GREB1: variants seen among roughly 807,000 people sequenced by gnomAD.
GREB1 encodes the protein protein GREB1.
A neutral mutation model predicts 200.7 loss-of-function variants in GREB1; 106 were observed. The observed-to-expected ratio is 0.53, with a 90% confidence interval of 0.45 to 0.62. GREB1 has a LOEUF of 0.62. Among genes scored for constraint, GREB1 ranks in the 20% least tolerant of loss-of-function variants. The pLI is 0.00. For missense variants in GREB1, 2,243 were observed against 2,556.8 expected (o/e 0.88, Z 2.65); for synonymous variants, 1,132 against 1,092.4 (o/e 1.04, Z -0.72).
chr2:11,511,546 C>T (rs2148450633), intron 1 of GREB1, among the ~76,000 whole-genome samples: 1 of 152,208 alleles, frequency 6.6e-6, no homozygotes, highest in South Asian at 2.1e-4. Flanking sequence ...ACAGGAACTC[C>T]ATTTTGGAGA....
At chr2:11,511,605 C>T (rs537670793) in intron 1 of GREB1, among the ~76,000 whole-genome samples, 5 of 152,136 alleles carry the variant, frequency 3.3e-5, no homozygotes, top group East Asian at 3.9e-4. Context: ...GAAGGTGACC[C>T]GGTGAGAGGA....
At position 11,585,283 on chromosome 2, in the gene GREB1, T is replaced by C; in HGVS notation, c.1015+9T>C. The C allele has an allele frequency of 1.4e-6, 2 of 1,479,080 alleles. No homozygotes were observed. The highest frequency in any genetic ancestry group is 1.8e-6 in the Non-Finnish European group (2 of 1,100,864). The allele number at this position is 1,479,080 out of a possible 1,614,324, so 91.6% of individuals were successfully genotyped here. On this transcript the variant is annotated intron_variant, in intron 8 of 32. Coordinates refer to ENST00000381486, the MANE Select transcript of GREB1 (RefSeq NM_014668.4). The stretch of plus-strand genomic sequence containing the variant: ...GAACAGAGCTAAGTATGGTAAGTGA[T>C]GGCAGCCTTGCCCAGAATTCCAGAC...
chr2:11,598,908 G>T (rs1681507236), intron 15 of GREB1, 48 bp downstream of exon 15: 1 of 1,475,824 alleles, frequency 6.8e-7, no homozygotes. Context: ...CTTCTTTGAA[G>T]TGATGTATGT....
intron 1 of GREB1, among the ~76,000 whole-genome samples, chr2:11,541,887 T>C (rs912802676): frequency 6.6e-6 from 1 of 152,190 alleles, no homozygotes; most frequent in African/African-American, 2.4e-5. Flanking sequence ...CGATGCCTTG[T>C]ATACGTTCTG....
intron 10 of GREB1, among the ~76,000 whole-genome samples, chr2:11,589,333 C>T (rs1185849337): frequency 6.6e-6 from 1 of 152,132 alleles, no homozygotes; most frequent in African/African-American, 2.4e-5. Context: ...AGAAAGGCCT[C>T]TGTGAATAGG....
At position 11,642,090 on chromosome 2, in the gene GREB1, G is replaced by A. The variant is rs1395688771; in HGVS notation, c.*1636G>A. 1 of 151,954 alleles carries A rather than the reference G, an allele frequency of 6.6e-6. No individual in the cohort carries two copies. The highest frequency in any genetic ancestry group is 2.4e-5 in the African/African-American group (1 of 41,312). The allele number at this position is 151,954 out of a possible 1,614,324, so 9.4% of individuals were successfully genotyped here. On this transcript the variant is annotated 3_prime_UTR_variant, in exon 33 of 33. Transcript: ENST00000381486. Reference sequence around the variant, plus strand: ...CCATAACTTGAAGGAAAAGTTTAAAGACAGTTCAATTTAATCATCAGAATG... The same window carrying A: ...CCATAACTTGAAGGAAAAGTTTAAAAACAGTTCAATTTAATCATCAGAATG...
At chr2:11,636,825 C>T (rs962937933) in intron 30 of GREB1, among the ~76,000 whole-genome samples, 4 of 147,412 alleles carry the variant, frequency 2.7e-5, no homozygotes, top group African/African-American at 5.0e-5. Context: ...GAGGCAGGGG[C>T]AGGGACAGAG....
intron 4 of GREB1, 109 bp downstream of exon 4, chr2:11,566,765 C>G: frequency 1.1e-6 from 1 of 940,476 alleles, no homozygotes; most frequent in Non-Finnish European, 1.6e-6. Context: ...CTTTGGGACC[C>G]CAGGCGCAGC....
At chr2:11,624,890 C>T (rs569471637) in intron 23 of GREB1, among the ~76,000 whole-genome samples, 2 of 152,156 alleles carry the variant, frequency 1.3e-5, no homozygotes, top group African/African-American at 4.8e-5. Flanking sequence ...ACAATTCTTC[C>T]AATGTGGCCC....
chr2:11,603,374 A>G (rs1233881675), intron 17 of GREB1, among the ~76,000 whole-genome samples: 1 of 152,230 alleles, frequency 6.6e-6, no homozygotes, highest in Admixed American at 6.5e-5. Context: ...GAAGTTAGAC[A>G]TATCCTTCTC....
At position 11,552,251 on chromosome 2, in the gene GREB1, G is replaced by A. The variant is rs112633138; in HGVS notation, c.-161-4203G>A. 8.3e-3 allele frequency among the ~76,000 whole-genome samples: 1,269 copies of A among 152,320 alleles called. 20 individuals carry two copies. Among genetic ancestry groups the A allele is most frequent in the African/African-American group, 0.03 (1,231 of 41,572 alleles). On this transcript the variant is annotated intron_variant, in intron 1 of 32. Transcript: ENST00000381486. ...TCACACACCAGCCTGGAGAGAAGCTGGTCCAGGCCTTGGAATGCAGGCGTT... is the reference window on the plus strand; with the variant it reads ...TCACACACCAGCCTGGAGAGAAGCTAGTCCAGGCCTTGGAATGCAGGCGTT...
chr2:11,516,637 G>T (rs763126457), intron 1 of GREB1, among the ~76,000 whole-genome samples: 3 of 152,108 alleles, frequency 2.0e-5, no homozygotes, highest in African/African-American at 7.2e-5. Flanking sequence ...TCTTACTAAG[G>T]CTGTGGGCCC....
At position 11,635,463 on chromosome 2, in the gene GREB1, A is replaced by C. The variant is rs1685237235; in HGVS notation, c.5346+58A>C. 6.4e-6 allele frequency: 10 copies of C among 1,551,944 alleles called. No individual in the cohort carries two copies. The South Asian group carries it at 1.1e-4, about 17-fold the overall frequency. On this transcript the variant is annotated intron_variant, in intron 30 of 32. Transcript: ENST00000381486. ...TCCACCGCCTGGGCCGCCCTGGCAC[A>C]CACACTGAGGGTAGGAGCCATTGAG...
chr2:11,614,380 G>A (rs1284124689), intron 19 of GREB1, among the ~76,000 whole-genome samples: 2 of 152,026 alleles, frequency 1.3e-5, no homozygotes, highest in Non-Finnish European at 2.9e-5. Context: ...GCCCGCCTTC[G>A]CCTCTCAAAG....
Position 11,534,060 on chromosome 2 carries a change from G to T in GREB1, c.-356G>T, listed in dbSNP as rs1215308153. The T allele has an allele frequency of 6.6e-6, 1 of 152,176 alleles. No individual in the cohort carries two copies. Among genetic ancestry groups the T allele is most frequent in the Non-Finnish European group, 1.5e-5 (1 of 68,028 alleles). 9.4% of individuals were successfully genotyped at this position (152,176 alleles called of 1,614,324 possible). A position where few individuals can be genotyped will look rare whatever the true frequency, so the allele number is the denominator to read the frequency against. On this transcript the variant is annotated 5_prime_UTR_variant, in exon 1 of 33. Transcript: ENST00000381486. ...TTTTACACATGCTAAATGGTTAAGA[G>T]ATACATAAATACTGCAGTAGAGATG...
intron 1 of GREB1, among the ~76,000 whole-genome samples, chr2:11,526,408 A>G (rs1245103717): frequency 1.3e-5 from 2 of 152,206 alleles, no homozygotes; most frequent in Non-Finnish European, 2.9e-5. Flanking sequence ...CTTAATATCT[A>G]TAAGCCTTAG....
intron 1 of GREB1, among the ~76,000 whole-genome samples, chr2:11,506,418 A>G (rs1181015398): frequency 6.6e-6 from 1 of 152,194 alleles, no homozygotes; most frequent in Non-Finnish European, 1.5e-5. Flanking sequence ...AGGCCCAGGA[A>G]TCAGAGCTTC....
chr2:11,614,117 G>A (rs565212633), intron 19 of GREB1, among the ~76,000 whole-genome samples: 3,022 of 145,090 alleles, frequency 0.021, 47 homozygotes, highest in Middle Eastern at 0.042. Flanking sequence ...TTATCACAGC[G>A]GACTTAGATT....
At chr2:11,604,387 A>G (rs1421773778) in intron 17 of GREB1, among the ~76,000 whole-genome samples, 2 of 152,178 alleles carry the variant, frequency 1.3e-5, no homozygotes, top group Non-Finnish European at 2.9e-5. Context: ...AAATGGATTC[A>G]TACACCTAAA....
Sources: allele counts gnomAD v4.1 joint callset (sites outside exome capture counted in the v4.1 genomes callset), GRCh38; gene constraint gnomAD v4.1.1; transcripts MANE v1.5; gene names NCBI Gene and HGNC (gene_info 2026-07-23, HGNC 2026-07-21).